FLNB: variants seen among roughly 807,000 people sequenced by gnomAD.
FLNB encodes the protein filamin B.
Under a neutral mutation model 250.6 loss-of-function variants are expected in FLNB, and 111 were observed. That is an observed-to-expected ratio of 0.44 (90% CI 0.38 to 0.52). FLNB has a LOEUF of 0.52. FLNB is among the 20% of genes least tolerant of loss of function. The probability of loss-of-function intolerance (pLI) is 0.00; values close to 1 mark genes in which losing one functional copy is unlikely to be tolerated. For synonymous variants in FLNB, 1,302 were observed against 1,372.1 expected (o/e 0.95, Z 1.13); for missense variants, 2,869 against 3,447.8 (o/e 0.83, Z 4.20).
chr3:58,118,849 C>G, intron 18 of FLNB, 23 bp from the exon 19 acceptor site: 1 of 1,589,944 alleles, frequency 6.3e-7, no homozygotes, highest in Non-Finnish European at 8.6e-7. Flanking sequence ...CAAAGGTAAA[C>G]TGAGTTTTCT....
intron 4 of FLNB, among the ~76,000 whole-genome samples, chr3:58,084,809 C>G (rs962370482): frequency 2.0e-5 from 3 of 152,112 alleles, no homozygotes; most frequent in African/African-American, 7.2e-5. Context: ...TACTCCCTGT[C>G]TCTATGAATT....
intron 1 of FLNB, among the ~76,000 whole-genome samples, chr3:58,062,545 T>C (rs912284802): frequency 3.9e-5 from 6 of 152,150 alleles, no homozygotes; most frequent in Non-Finnish European, 7.4e-5. Context: ...AAAGAAATCA[T>C]GTTAGGGAAC....
intron 29 of FLNB, 23 bp from the exon 30 acceptor site, chr3:58,141,835 A>G (rs1178794002): frequency 1.2e-6 from 2 of 1,610,724 alleles, no homozygotes; most frequent in South Asian, 1.1e-5. Flanking sequence ...GTTCCCAACT[A>G]ATCTCCATTT....
In FLNB at chr3:58,149,968, C is replaced by T. The variant is rs538937637; in HGVS notation, c.6210C>T (p.Ile2070=). 197 of 1,614,250 alleles carry T rather than the reference C, an allele frequency of 1.2e-4. No homozygotes were observed. The highest frequency in any genetic ancestry group is 1.4e-4 in the Non-Finnish European group (167 of 1,180,044). ...SYFPTVPGVY[I]VSTKFADEHV... is the part of the protein sequence containing the mutation. ...TCCCTACCGTGCCTGGGGTTTATAT[C>T]GTCTCCACCAAATTCGCTGACGAGC... Residue 2070 remains isoleucine, a synonymous_variant, in exon 37 of 46, where the codon ATC becomes ATT. Transcript: ENST00000295956.
At chr3:58,063,052 T>C (rs1438210577) in intron 1 of FLNB, among the ~76,000 whole-genome samples, 1 of 152,138 alleles carries the variant, frequency 6.6e-6, no homozygotes, top group African/African-American at 2.4e-5. Context: ...ACGACTCTCA[T>C]TTTGCAGGTG....
Position 58,148,856 on chromosome 3 carries a change from T to C in FLNB, c.6091+4T>C. 3 of 1,611,042 alleles carry C rather than the reference T, an allele frequency of 1.9e-6. No homozygotes were observed. The highest frequency in any genetic ancestry group is 2.5e-6 in the Non-Finnish European group (3 of 1,179,780). Reference sequence around the variant, plus strand: ...ATCGTGGACACAAGGGATGCAGGTCTGTGTGGTCCCAGGGGAGAGGCCCAG... The same window carrying C: ...ATCGTGGACACAAGGGATGCAGGTCCGTGTGGTCCCAGGGGAGAGGCCCAG... On this transcript the variant is annotated splice_donor_region_variant and intron_variant, in intron 36 of 45. Transcript: ENST00000295956.
intron 32 of FLNB, among the ~76,000 whole-genome samples, chr3:58,145,336 A>G (rs1244919977): frequency 6.6e-6 from 1 of 152,190 alleles, no homozygotes; most frequent in Non-Finnish European, 1.5e-5. Flanking sequence ...ATAATTTCTC[A>G]AGTCAGTAAA....
chr3:58,122,496 CAAAAAA>C (rs11320902), intron 20 of FLNB, among the ~76,000 whole-genome samples: 3 of 130,846 alleles, frequency 2.3e-5, no homozygotes, highest in Non-Finnish European at 5.1e-5. Context: ...CCGTCCCCTC[CAAAAAA>C]AAAAAAAAAA....
At chr3:58,079,403 C>T (rs1457691061) in intron 3 of FLNB, among the ~76,000 whole-genome samples, 1 of 152,038 alleles carries the variant, frequency 6.6e-6, no homozygotes, top group Non-Finnish European at 1.5e-5. Context: ...TAGGTGCGCA[C>T]CACCACACCT....
intron 27 of FLNB, among the ~76,000 whole-genome samples, chr3:58,135,314 C>A (rs1485738198): frequency 6.6e-6 from 1 of 152,228 alleles, no homozygotes; most frequent in African/African-American, 2.4e-5. Flanking sequence ...GGGTGCCCTG[C>A]AGCTCACCAA....
intron 8 of FLNB, among the ~76,000 whole-genome samples, chr3:58,100,887 C>T (rs2097249957): frequency 6.6e-6 from 1 of 151,938 alleles, no homozygotes; most frequent in East Asian, 1.9e-4. Context: ...GCATAAGCCA[C>T]CATGCCTGAC....
intron 1 of FLNB, among the ~76,000 whole-genome samples, chr3:58,022,979 G>A (rs1262066284): frequency 6.6e-6 from 1 of 150,436 alleles, no homozygotes; most frequent in African/African-American, 2.5e-5. Context: ...CACCACACCT[G>A]GCTATTTTGT....
intron 36 of FLNB, chr3:58,149,470 G>A (rs1027455526): frequency 9.4e-6 from 3 of 317,888 alleles, no homozygotes; most frequent in Admixed American, 4.6e-5. Context: ...GTAGCCAGGG[G>A]CTATTTAAAA....
chr3:58,067,825 T>C (rs1180214520), intron 1 of FLNB, among the ~76,000 whole-genome samples: 1 of 152,136 alleles, frequency 6.6e-6, no homozygotes, highest in Non-Finnish European at 1.5e-5. Flanking sequence ...TCCGCCCACC[T>C]CCGCCTCCCA....
chr3:58,014,245 C>T (rs1168057811), intron 1 of FLNB, among the ~76,000 whole-genome samples: 1 of 152,196 alleles, frequency 6.6e-6, no homozygotes, highest in African/African-American at 2.4e-5. Context: ...TAAGGTTGAT[C>T]CTACTTGCTA....
rs748438919 is a variant in FLNB, at chr3:58,126,591, A to T, written c.4062-11A>T. The T allele has an allele frequency of 6.2e-7, 1 of 1,613,492 alleles. No individual in the cohort carries two copies. On this transcript the variant is annotated splice_polypyrimidine_tract_variant and intron_variant, in intron 23 of 45. Coordinates refer to ENST00000295956, the MANE Select transcript of FLNB (RefSeq NM_001457.4). The stretch of plus-strand genomic sequence containing the variant: ...TGGTGCACATTTCACTTTCTTTTCC[A>T]CTCTTTCCAGAGGCGCAGGAATTGG...
At chr3:58,024,624 C>A (rs549368936) in intron 1 of FLNB, among the ~76,000 whole-genome samples, 3 of 151,418 alleles carry the variant, frequency 2.0e-5, no homozygotes, top group South Asian at 4.2e-4. Flanking sequence ...AAGAGGCAAC[C>A]TGGGTTTTTG....
At chr3:58,021,965 G>A (rs1476788792) in intron 1 of FLNB, among the ~76,000 whole-genome samples, 1 of 151,898 alleles carries the variant, frequency 6.6e-6, no homozygotes, top group Non-Finnish European at 1.5e-5. Context: ...TTGTAGATTC[G>A]GTTTGCTATG....
Position 58,102,318 on chromosome 3 carries a change from C to T in FLNB, c.1461C>T (p.Leu487=), listed in dbSNP as rs374727625. Residue 487 remains leucine (L), a synonymous_variant, in exon 9 of 46, where the codon CTC becomes CTT. Transcript: ENST00000295956. ...VDTKAAGSGE[L]GVTMKGPKGL... is the part of the protein sequence containing the mutation. ...CCAAAGCTGCAGGAAGTGGGGAGCT[C>T]GGTGTAACCATGAAGGGTCCTAGTA... is the stretch of plus-strand genomic sequence containing the variant. The T allele has an allele frequency of 1.4e-4, 227 of 1,614,032 alleles. 1 individual carries two copies. The highest frequency in any genetic ancestry group is 5.8e-4 in the East Asian group (26 of 44,902).
Sources: gnomAD v4.1 joint callset for allele counts (sites outside exome capture counted in the v4.1 genomes callset) on GRCh38, gnomAD v4.1.1 for gene constraint, MANE v1.5 for transcripts, NCBI Gene and HGNC (gene_info 2026-07-23, HGNC 2026-07-21) for gene names.